CNTNAP5: variants seen among roughly 807,000 people sequenced by gnomAD.
CNTNAP5 encodes contactin associated protein family member 5, also known as contactin-associated protein-like 5.
In CNTNAP5, 72 loss-of-function variants were observed where a neutral mutation model predicts 150.2. That is an observed-to-expected ratio of 0.48 (90% CI 0.40 to 0.58). CNTNAP5 has a LOEUF of 0.58. Among genes scored for constraint, CNTNAP5 ranks in the 20% least tolerant of loss-of-function variants. The pLI is 0.00. For synonymous variants in CNTNAP5, 672 were observed against 619.8 expected (o/e 1.08, Z -1.25); for missense variants, 1,636 against 1,626.2 (o/e 1.01, Z -0.10).
rs571924242 is a variant in CNTNAP5, at chr2:124,751,969, G to A, written c.2234+4584G>A. On this transcript the variant is annotated intron_variant, in intron 14 of 23. Transcript: ENST00000682447. Reference sequence around the variant, plus strand: ...GAGTCTCAGAGATGATAAATGGTTCGGTTAAGGTCGCTTGACTAAGGGGCA... The same window carrying A: ...GAGTCTCAGAGATGATAAATGGTTCAGTTAAGGTCGCTTGACTAAGGGGCA... 4.6e-5 allele frequency among the ~76,000 whole-genome samples: 7 copies of A among 152,216 alleles called. No homozygotes were observed. The East Asian group carries it at 7.7e-4, about 17-fold the overall frequency.
chr2:124,243,075 A>G (rs1450897557), intron 3 of CNTNAP5, among the ~76,000 whole-genome samples: 1 of 152,204 alleles, frequency 6.6e-6, no homozygotes, highest in Non-Finnish European at 1.5e-5. Context: ...TGTGTGGGTG[A>G]AAGGCTGTCA....
rs1208456282 is a variant in CNTNAP5, at chr2:124,807,930, C to G, written c.3217+9610C>G. Among the ~76,000 whole-genome samples the G allele has an allele frequency of 2.6e-5, 4 of 152,214 alleles. No homozygotes were observed. In the East Asian group the frequency reaches 7.7e-4, roughly 29 times the overall value. On this transcript the variant is annotated intron_variant, in intron 19 of 23. Coordinates refer to ENST00000682447, the MANE Select transcript of CNTNAP5 (RefSeq NM_001367498.1). ...TAGAAACACAATGCCAGTGAAGGAA[C>G]TTGCCACAGATCTCCTGATATTTAG...
At chr2:124,503,552 A>T (rs908084101) in intron 7 of CNTNAP5, among the ~76,000 whole-genome samples, 11 of 152,102 alleles carry the variant, frequency 7.2e-5, no homozygotes, top group African/African-American at 2.7e-4. Flanking sequence ...TCTACTCCTC[A>T]TCTATGTTAT....
intron 3 of CNTNAP5, among the ~76,000 whole-genome samples, chr2:124,254,310 C>G (rs1466782399): frequency 6.6e-6 from 1 of 152,170 alleles, no homozygotes; most frequent in Non-Finnish European, 1.5e-5. Context: ...TATCCCAGCT[C>G]CTGCCCCCAG....
At chr2:124,103,248 A>G (rs1683103953) in intron 1 of CNTNAP5, among the ~76,000 whole-genome samples, 1 of 152,228 alleles carries the variant, frequency 6.6e-6, no homozygotes, top group African/African-American at 2.4e-5. Context: ...GTGCCGTTAC[A>G]AAAGAATCAA....
At chr2:124,494,745 T>C (rs930392287) in intron 7 of CNTNAP5, among the ~76,000 whole-genome samples, 2 of 152,238 alleles carry the variant, frequency 1.3e-5, no homozygotes, top group Non-Finnish European at 2.9e-5. Flanking sequence ...GTAGTAGTCA[T>C]TGGGTTTCAA....
intron 3 of CNTNAP5, among the ~76,000 whole-genome samples, chr2:124,335,923 A>G (rs1689455861): frequency 6.6e-6 from 1 of 152,084 alleles, no homozygotes; most frequent in Non-Finnish European, 1.5e-5. Flanking sequence ...CATAATGATT[A>G]ATACAAGAAA....
chr2:124,091,385 G>A (rs1251209051), intron 1 of CNTNAP5, among the ~76,000 whole-genome samples: 1 of 152,128 alleles, frequency 6.6e-6, no homozygotes, highest in Non-Finnish European at 1.5e-5. Context: ...TGTGAGAGAA[G>A]GAGAGAGAAA....
chr2:124,459,550 A>AC (rs1315474907), intron 6 of CNTNAP5, among the ~76,000 whole-genome samples: 1 of 152,090 alleles, frequency 6.6e-6, no homozygotes, highest in East Asian at 1.9e-4. Flanking sequence ...GGAGTTCGAG[A>AC]CCAGCCTGGC....
chr2:124,158,938 G>A (rs746891351), intron 1 of CNTNAP5, among the ~76,000 whole-genome samples: 1 of 152,118 alleles, frequency 6.6e-6, no homozygotes, highest in African/African-American at 2.4e-5. Flanking sequence ...AGATGCCCTC[G>A]ACACCCACAG....
rs189288769 is a variant in CNTNAP5, at chr2:124,111,138, T to C, written c.82+85406T>C. ...GATCAGATGCCTGTTATTATCTGGC[T>C]GGAAGACAATCAAAAAATGAAATGA... On this transcript the variant is annotated intron_variant, in intron 1 of 23. Coordinates refer to ENST00000682447, the MANE Select transcript of CNTNAP5 (RefSeq NM_001367498.1). Among the ~76,000 whole-genome samples, 27 of 152,284 alleles carry C rather than the reference T, an allele frequency of 1.8e-4. No individual in the cohort carries two copies. In the Middle Eastern group the frequency reaches 0.014, roughly 77 times the overall value.
chr2:124,678,074 C>A (rs1237073137), intron 13 of CNTNAP5, among the ~76,000 whole-genome samples: 1 of 151,786 alleles, frequency 6.6e-6, no homozygotes, highest in South Asian at 2.1e-4. Flanking sequence ...TGTTGTCTTA[C>A]ATCCCCATCT....
At chr2:124,166,781 A>G (rs1684817719) in intron 1 of CNTNAP5, among the ~76,000 whole-genome samples, 4 of 152,154 alleles carry the variant, frequency 2.6e-5, no homozygotes, top group Admixed American at 2.6e-4. Flanking sequence ...AAAGACTAAC[A>G]TGTCATTGGC....
intron 1 of CNTNAP5, among the ~76,000 whole-genome samples, chr2:124,052,495 G>C (rs1483202564): frequency 6.6e-6 from 1 of 152,200 alleles, no homozygotes; most frequent in Non-Finnish European, 1.5e-5. Flanking sequence ...AAAGCAGAGA[G>C]GAAGGGTAAA....
chr2:124,184,801 G>T (rs1258338165), intron 1 of CNTNAP5, among the ~76,000 whole-genome samples: 2 of 152,092 alleles, frequency 1.3e-5, no homozygotes, highest in Non-Finnish European at 2.9e-5. Context: ...AGTGCTCCAG[G>T]TTTTACAGGA....
chr2:124,598,887 G>T (rs535713249), intron 11 of CNTNAP5, among the ~76,000 whole-genome samples: 1 of 152,186 alleles, frequency 6.6e-6, no homozygotes, highest in East Asian at 1.9e-4. Context: ...GCAATATTCG[G>T]GTGGGAGTGA....
chr2:124,364,315 TA>T (rs1490302521), intron 3 of CNTNAP5, among the ~76,000 whole-genome samples: 2 of 151,790 alleles, frequency 1.3e-5, no homozygotes, highest in African/African-American at 4.8e-5. Context: ...ACCCCCCTTT[TA>T]TTTCCAGACC....
intron 9 of CNTNAP5, 84 bp from the exon 10 acceptor site, chr2:124,527,201 C>T (rs991576157): frequency 1.7e-6 from 2 of 1,185,752 alleles, no homozygotes; most frequent in Admixed American, 4.2e-5. Flanking sequence ...ACTAATTAGA[C>T]CTCAAGGTCT....
At chr2:124,285,083 T>A (rs1436331916) in intron 3 of CNTNAP5, among the ~76,000 whole-genome samples, 1 of 152,140 alleles carries the variant, frequency 6.6e-6, no homozygotes, top group South Asian at 2.1e-4. Context: ...GTTCTTGGAG[T>A]GTGAATATGC....
Sources: allele counts gnomAD v4.1 joint callset (sites outside exome capture counted in the v4.1 genomes callset), GRCh38; gene constraint gnomAD v4.1.1; transcripts MANE v1.5; gene names NCBI Gene and HGNC (gene_info 2026-07-23, HGNC 2026-07-21).